The following ASAH2 variants were observed in gnomAD, a reference collection of about 807,000 sequenced individuals.
The protein encoded by ASAH2 is neutral ceramidase.
Under a neutral mutation model 82.9 loss-of-function variants are expected in ASAH2, and 58 were observed. The observed-to-expected ratio is 0.70, with a 90% CI of 0.57 to 0.87. ASAH2 has a LOEUF of 0.87. Ranked by LOEUF, ASAH2 falls within the 40% of genes least tolerant of loss-of-function variation. The pLI, the probability that ASAH2 is intolerant of heterozygous loss-of-function variation, is 0.00. For synonymous variants in ASAH2, 276 were observed against 289.7 expected (o/e 0.95, Z 0.48); for missense variants, 779 against 834.0 (o/e 0.93, Z 0.81).
At chr10:50,241,505 GCAAGTGGT>G (rs1384456503) in intron 4 of ASAH2, among the ~76,000 whole-genome samples, 2 of 152,046 alleles carry the variant, frequency 1.3e-5, no homozygotes, top group African/African-American at 2.4e-5. Context: ...CTTACAAAAA[GCAAGTGGT>G]CAATGCATTT....
Position 50,202,927 on chromosome 10 carries a change from A to T in ASAH2, c.1666-3T>A. The T allele has an allele frequency of 6.3e-7, 1 of 1,591,642 alleles. No individual in the cohort carries two copies. The highest frequency in any genetic ancestry group is 8.6e-7 in the Non-Finnish European group (1 of 1,159,950). On this transcript the variant is annotated splice_polypyrimidine_tract_variant and splice_region_variant and intron_variant, in intron 15 of 20. Transcript: ENST00000682911. ...TGCATCCCATGAGATGCAAATTCCT[A>T]GGAGAGAAAGGTAAAACCCAATAAA...
rs896152350 is a variant in ASAH2 at position 50,215,537 on chromosome 10, C to T, written c.1015-669G>A. Among the ~76,000 whole-genome samples, 7 of 152,230 alleles carry T rather than the reference C, an allele frequency of 4.6e-5. No homozygotes were observed. In the East Asian group the frequency reaches 9.6e-4, roughly 21 times the overall value. On this transcript the variant is annotated intron_variant, in intron 8 of 20. Coordinates refer to ENST00000682911, the MANE Select transcript of ASAH2 (RefSeq NM_019893.4). Reference sequence around the variant, plus strand: ...GCATATGGCTAGCCAGTTTTCCCAACACCATTTATTAAACAGGGGATCCTT... The same window carrying T: ...GCATATGGCTAGCCAGTTTTCCCAATACCATTTATTAAACAGGGGATCCTT...
Position 50,184,982 on chromosome 10 carries a change from C to CA in ASAH2, c.*2332dup. The stretch of plus-strand genomic sequence containing the variant: ...ATTATTCAGTGCTTTTCAAAGAAGT[C>CA]AAAAAATCCTTAAAACCAGAGTAGG... On this transcript the variant is annotated 3_prime_UTR_variant, in exon 21 of 21. Transcript: ENST00000682911. The CA allele has an allele frequency of 6.6e-6, 1 of 151,642 alleles. No homozygotes were observed. Among genetic ancestry groups the CA allele is most frequent in the Non-Finnish European group, 1.5e-5 (1 of 67,714 alleles). 9.4% of individuals were successfully genotyped at this position (151,642 alleles called of 1,614,324 possible).
At chr10:50,211,211 A>G in intron 10 of ASAH2, 77 bp from the exon 11 acceptor site, 2 of 1,074,022 alleles carry the variant, frequency 1.9e-6, no homozygotes, top group Admixed American at 1.8e-5. Flanking sequence ...GGAAGTACCA[A>G]TTTGATGCAA....
intron 17 of ASAH2, among the ~76,000 whole-genome samples, chr10:50,198,142 T>A (rs1845039606): frequency 6.6e-6 from 1 of 151,920 alleles, no homozygotes; most frequent in Non-Finnish European, 1.5e-5. Flanking sequence ...AGACAACCAT[T>A]TCATTCATTT....
intron 16 of ASAH2, among the ~76,000 whole-genome samples, chr10:50,199,810 G>T (rs1367257622): frequency 1.3e-5 from 2 of 151,490 alleles, no homozygotes; most frequent in Admixed American, 1.3e-4. Context: ...TCCACATCCG[G>T]TAATTCTGTC....
intron 7 of ASAH2, among the ~76,000 whole-genome samples, chr10:50,229,571 T>C (rs1372907098): frequency 1.3e-5 from 2 of 152,172 alleles, no homozygotes; most frequent in Admixed American, 6.6e-5. Flanking sequence ...TGAAACACTT[T>C]AATGAGTTTT....
In ASAH2 at chr10:50,219,583, T is replaced by A. The variant is rs956082708; in HGVS notation, c.894-953A>T. Among the ~76,000 whole-genome samples the A allele has an allele frequency of 2.8e-3, 423 of 151,564 alleles. 1 individual carries two copies. The highest frequency in any genetic ancestry group is 8.4e-3 in the African/African-American group (346 of 41,374). On this transcript the variant is annotated intron_variant, in intron 7 of 20. Coordinates refer to ENST00000682911, the MANE Select transcript of ASAH2 (RefSeq NM_019893.4). ...TAAACTGTCAGGTTAACTTAGAATTTAAAAAAAAAATTGTTGATTCAATTC... is the reference window on the plus strand; with the variant it reads ...TAAACTGTCAGGTTAACTTAGAATTAAAAAAAAAAATTGTTGATTCAATTC...
At chr10:50,232,826 G>C (rs1407070231) in intron 7 of ASAH2, among the ~76,000 whole-genome samples, 3 of 152,106 alleles carry the variant, frequency 2.0e-5, no homozygotes, top group African/African-American at 7.2e-5. Context: ...TTTACTAGGA[G>C]ATAACTGTAT....
At chr10:50,189,213 A>G (rs1402028431) in intron 20 of ASAH2, among the ~76,000 whole-genome samples, 1 of 145,914 alleles carries the variant, frequency 6.9e-6, no homozygotes, top group Non-Finnish European at 1.5e-5. Context: ...GATTTTACAA[A>G]TAATACCTGT....
intron 4 of ASAH2, among the ~76,000 whole-genome samples, chr10:50,238,260 A>G (rs1846207247): frequency 6.6e-6 from 1 of 152,084 alleles, no homozygotes; most frequent in Admixed American, 6.6e-5. Context: ...TATGCTATGT[A>G]CTTGATATAC....
At chr10:50,239,222 C>T (rs1846232437) in intron 4 of ASAH2, among the ~76,000 whole-genome samples, 1 of 152,160 alleles carries the variant, frequency 6.6e-6, no homozygotes, top group Non-Finnish European at 1.5e-5. Flanking sequence ...ACACTGAGAA[C>T]CTACATAGAA....
At position 50,210,888 on chromosome 10, in the gene ASAH2, G is replaced by T. The variant is rs1845437173; in HGVS notation, c.1349C>A (p.Pro450Gln). The T allele has an allele frequency of 1.2e-6, 2 of 1,613,356 alleles. No individual in the cohort carries two copies. The highest frequency in any genetic ancestry group is 1.7e-6 in the Non-Finnish European group (2 of 1,179,440). Residue 450 changes from proline (P) to glutamine (Q), a missense_variant, in exon 12 of 21, where the codon CCA (proline) becomes CAA (glutamine). Physicochemically the swap from Pro to Gln is moderately conservative, Grantham distance 76. Coordinates refer to ENST00000682911, the MANE Select transcript of ASAH2 (RefSeq NM_019893.4). ...AGCTGCAAAACTGTAGCCCAATGCT[G>T]GTTTACATGTTTTTGACTAAAGGAA... ...NSTHASKTCK[P>Q]ALGYSFAAGT...
chr10:50,225,213 T>C (rs1406803348), intron 7 of ASAH2, among the ~76,000 whole-genome samples: 1 of 152,128 alleles, frequency 6.6e-6, no homozygotes, highest in Non-Finnish European at 1.5e-5. Context: ...GGCAGGAGTT[T>C]GAAACCAGCC....
intron 6 of ASAH2, 89 bp downstream of exon 6, chr10:50,234,336 A>C (rs1589350850): frequency 1.9e-6 from 3 of 1,568,000 alleles, no homozygotes; most frequent in African/African-American, 2.7e-5. Flanking sequence ...GGACCTCACC[A>C]TATTCATCAA....
Position 50,184,974 on chromosome 10 carries a change from A to G in ASAH2, c.*2341T>C, listed in dbSNP as rs1180282271. The G allele has an allele frequency of 5.9e-5, 9 of 151,636 alleles. No individual in the cohort carries two copies. The highest frequency in any genetic ancestry group is 1.7e-4 in the African/African-American group (7 of 41,368). The allele number at this position is 151,636 out of a possible 1,614,324, so 9.4% of individuals were successfully genotyped here. ...GAAAAGAGATTATTCAGTGCTTTTC[A>G]AAGAAGTCAAAAAATCCTTAAAACC... On this transcript the variant is annotated 3_prime_UTR_variant, in exon 21 of 21. Transcript: ENST00000682911.
chr10:50,222,502 A>G (rs1307213085), intron 7 of ASAH2, among the ~76,000 whole-genome samples: 1 of 151,818 alleles, frequency 6.6e-6, no homozygotes, highest in Non-Finnish European at 1.5e-5. Context: ...CTGATCTCCA[A>G]CTCCAGAGCT....
chr10:50,244,471 G>T (rs1369897772), intron 3 of ASAH2, among the ~76,000 whole-genome samples: 1 of 152,152 alleles, frequency 6.6e-6, no homozygotes, highest in Admixed American at 6.5e-5. Context: ...AGAACACACA[G>T]TCAAGAATCA....
chr10:50,218,815 T>C (rs1359861509), intron 7 of ASAH2, among the ~76,000 whole-genome samples, 185 bp from the exon 8 acceptor site: 3 of 152,202 alleles, frequency 2.0e-5, no homozygotes, highest in Non-Finnish European at 4.4e-5. Context: ...ACTCAAGAAG[T>C]CTGATCATTT....
Sources: allele counts gnomAD v4.1 joint callset (sites outside exome capture counted in the v4.1 genomes callset), GRCh38; gene constraint gnomAD v4.1.1; transcripts MANE v1.5; gene names NCBI Gene and HGNC (gene_info 2026-07-23, HGNC 2026-07-21).